ANKS1B: variants seen among roughly 807,000 people sequenced by gnomAD.
ANKS1B encodes ankyrin repeat and sterile alpha motif domain containing 1B, also known as ankyrin repeat and sterile alpha motif domain-containing protein 1B.
In ANKS1B, 36 loss-of-function variants were observed where a neutral mutation model predicts 148.3. The observed-to-expected ratio is 0.24, with a 90% CI of 0.19 to 0.32. The LOEUF (loss-of-function observed/expected upper bound fraction) is 0.32, where lower values mean the gene tolerates loss of function less well. Ranked by LOEUF, ANKS1B falls within the 10% of genes least tolerant of loss-of-function variation. The pLI is 1.00. For missense variants in ANKS1B, 1,157 were observed against 1,542.6 expected (o/e 0.75, Z 4.19); for synonymous variants, 542 against 560.8 (o/e 0.97, Z 0.47).
rs2098097054 is a variant in ANKS1B at position 98,751,732 on chromosome 12, A to T, written c.3580-210T>A. On this transcript the variant is annotated intron_variant, in intron 25 of 26. Coordinates refer to ENST00000683438, the MANE Select transcript of ANKS1B (RefSeq NM_001352186.2). The surrounding 1 kb of genome is among the most constrained non-coding windows in gnomAD (Gnocchi z 4.3). ...GGCTTTAGTCATTTGTGAAAAGAAA[A>T]ATCTTGGGACCTCAAATCACTAAGA... Among the ~76,000 whole-genome samples, 1 of 152,196 alleles carries T rather than the reference A, an allele frequency of 6.6e-6. No homozygotes were observed. Among genetic ancestry groups the T allele is most frequent in the Non-Finnish European group, 1.5e-5 (1 of 68,032 alleles).
intron 1 of ANKS1B, among the ~76,000 whole-genome samples, chr12:99,924,430 T>C (rs368898599): frequency 6.6e-6 from 1 of 152,212 alleles, no homozygotes; most frequent in Non-Finnish European, 1.5e-5. Flanking sequence ...TGCAGCAATA[T>C]CTAATTTCTT....
At chr12:99,971,856 T>C (rs1006914680) in intron 1 of ANKS1B, among the ~76,000 whole-genome samples, 2 of 152,230 alleles carry the variant, frequency 1.3e-5, no homozygotes, top group African/African-American at 2.4e-5. Flanking sequence ...ACCTGTGATA[T>C]AATAAATGTG....
chr12:99,491,015 T>G (rs1371105357), intron 10 of ANKS1B, among the ~76,000 whole-genome samples: 1 of 152,200 alleles, frequency 6.6e-6, no homozygotes, highest in East Asian at 1.9e-4. Context: ...TACTGAGTGA[T>G]TCCATGAAGT....
chr12:99,564,660 T>G (rs1297241179), intron 9 of ANKS1B, among the ~76,000 whole-genome samples: 1 of 152,160 alleles, frequency 6.6e-6, no homozygotes, highest in African/African-American at 2.4e-5. Flanking sequence ...TTTGCTTTTC[T>G]GACCACTAAC....
intron 1 of ANKS1B, among the ~76,000 whole-genome samples, chr12:99,831,667 A>G (rs1330666040): frequency 6.6e-6 from 1 of 151,496 alleles, no homozygotes; most frequent in Non-Finnish European, 1.5e-5. Context: ...CCACAGCATC[A>G]GTGTCTTATA....
chr12:99,385,100 T>C (rs1435631356), intron 12 of ANKS1B, among the ~76,000 whole-genome samples: 2 of 121,532 alleles, frequency 1.6e-5, no homozygotes, highest in South Asian at 2.3e-4. Flanking sequence ...GATAGTATTA[T>C]GAACATACGA....
At chr12:98,921,795 G>T (rs559538101) in intron 17 of ANKS1B, among the ~76,000 whole-genome samples, 1 of 152,228 alleles carries the variant, frequency 6.6e-6, no homozygotes, top group South Asian at 2.1e-4. Context: ...GTAACCACAG[G>T]AACTAATTTG....
intron 17 of ANKS1B, among the ~76,000 whole-genome samples, chr12:98,887,146 A>G (rs2099741909): frequency 6.6e-6 from 1 of 152,222 alleles, no homozygotes; most frequent in Non-Finnish European, 1.5e-5. Context: ...GGCAATATAA[A>G]TTAGTTAAAA....
intron 17 of ANKS1B, among the ~76,000 whole-genome samples, chr12:98,853,205 G>A (rs2099541302): frequency 6.6e-6 from 1 of 152,144 alleles, no homozygotes; most frequent in African/African-American, 2.4e-5. Context: ...GAGGTATGGG[G>A]AAAGAATGAA....
intron 12 of ANKS1B, among the ~76,000 whole-genome samples, chr12:99,336,084 T>C (rs977151876): frequency 5.3e-5 from 8 of 152,270 alleles, no homozygotes; most frequent in African/African-American, 1.9e-4. Flanking sequence ...TGATTTCTCA[T>C]TGTGGTTTTG....
chr12:99,016,522 G>A (rs1451062281), intron 17 of ANKS1B, among the ~76,000 whole-genome samples: 2 of 152,136 alleles, frequency 1.3e-5, no homozygotes, highest in African/African-American at 2.4e-5. Context: ...CAGGCGTGGT[G>A]GCACATGCCT....
chr12:99,677,107 C>G (rs2098579050), intron 8 of ANKS1B, among the ~76,000 whole-genome samples: 1 of 152,174 alleles, frequency 6.6e-6, no homozygotes, highest in Admixed American at 6.5e-5. Flanking sequence ...AAAAAGTTTT[C>G]AAAATATTTC....
intron 12 of ANKS1B, among the ~76,000 whole-genome samples, chr12:99,260,203 G>T (rs1602164240): frequency 6.6e-6 from 1 of 151,640 alleles, no homozygotes; most frequent in South Asian, 2.1e-4. Flanking sequence ...CTATTCTGAA[G>T]AAATAAAACA....
chr12:98,813,213 GTTTT>G (rs759520050), intron 19 of ANKS1B, among the ~76,000 whole-genome samples: 1 of 143,216 alleles, frequency 7.0e-6, no homozygotes, highest in Non-Finnish European at 1.5e-5. Flanking sequence ...AAGTTTTTTT[GTTTT>G]TTTTTTTTTC....
At chr12:98,851,747 A>C (rs1277093189) in intron 17 of ANKS1B, among the ~76,000 whole-genome samples, 3 of 152,052 alleles carry the variant, frequency 2.0e-5, no homozygotes, top group Admixed American at 1.3e-4. Flanking sequence ...GTTTTAAAGA[A>C]GGGAAAGGAT....
chr12:99,848,194 A>G (rs1343688686), intron 1 of ANKS1B, among the ~76,000 whole-genome samples: 1 of 152,064 alleles, frequency 6.6e-6, no homozygotes, highest in African/African-American at 2.4e-5. Flanking sequence ...CTTTGGAGTA[A>G]TGCTGAAGAG....
intron 15 of ANKS1B, among the ~76,000 whole-genome samples, chr12:99,098,845 A>G (rs541082716): frequency 6.7e-5 from 10 of 149,480 alleles, no homozygotes; most frequent in African/African-American, 2.5e-4. Context: ...AGGGTCCCAT[A>G]CTCTACAGGC....
intron 12 of ANKS1B, among the ~76,000 whole-genome samples, chr12:99,340,263 G>A (rs919630420): frequency 6.6e-6 from 1 of 152,012 alleles, no homozygotes; most frequent in Non-Finnish European, 1.5e-5. Flanking sequence ...ATTTTACAGA[G>A]AGCTGCTCTC....
At chr12:98,996,496 G>A (rs886723012) in intron 17 of ANKS1B, among the ~76,000 whole-genome samples, 2 of 152,076 alleles carry the variant, frequency 1.3e-5, no homozygotes, top group Middle Eastern at 3.2e-3. Context: ...GGTTCTGCTG[G>A]CCAGATTGGT....
Sources: gnomAD v4.1 joint callset for allele counts (sites outside exome capture counted in the v4.1 genomes callset) on GRCh38, gnomAD v4.1.1 for gene constraint, Gnocchi (gnomAD v3.1) non-coding constraint, MANE v1.5 for transcripts, NCBI Gene and HGNC (gene_info 2026-07-23, HGNC 2026-07-21) for gene names.